SDK2: variants seen among roughly 807,000 people sequenced by gnomAD.
The protein encoded by SDK2 is sidekick cell adhesion molecule 2.
Under a neutral mutation model 253.9 loss-of-function variants are expected in SDK2, and 105 were observed. That is an observed-to-expected ratio of 0.41 (90% CI 0.35 to 0.49). SDK2 has a LOEUF of 0.49. Ranked by LOEUF, SDK2 falls within the 20% of genes least tolerant of loss-of-function variation. SDK2 has a pLI of 0.06. For synonymous variants in SDK2, 1,249 were observed against 1,234.9 expected (o/e 1.01, Z -0.24); for missense variants, 2,608 against 3,003.0 (o/e 0.87, Z 3.07).
chr17:73,551,379 A>G (rs1047200620), intron 1 of SDK2, among the ~76,000 whole-genome samples: 3 of 151,966 alleles, frequency 2.0e-5, no homozygotes, highest in Non-Finnish European at 2.9e-5. Context: ...GGCCTGGGCC[A>G]GAGACATATA....
rs563264811 is a variant in SDK2, at chr17:73,361,367, G to C, written c.5467+317C>G. Among the ~76,000 whole-genome samples the C allele has an allele frequency of 3.2e-4, 49 of 152,356 alleles. No individual in the cohort carries two copies. Among genetic ancestry groups the C allele is most frequent in the African/African-American group, 1.2e-3 (49 of 41,588 alleles). On this transcript the variant is annotated intron_variant, in intron 39 of 44. Coordinates refer to ENST00000392650, the MANE Select transcript of SDK2 (RefSeq NM_001144952.2). The surrounding 1 kb of genome is among the most constrained non-coding windows in gnomAD (Gnocchi z 4.1). ...TCCTTCCAGGACGGAAGTAAAGGAGGCCATGCAATTAGCAGGGAGAGAAAG... is the reference window on the plus strand; with the variant it reads ...TCCTTCCAGGACGGAAGTAAAGGAGCCCATGCAATTAGCAGGGAGAGAAAG...
intron 18 of SDK2, among the ~76,000 whole-genome samples, chr17:73,411,202 C>T (rs2063123300): frequency 6.6e-6 from 1 of 152,170 alleles, no homozygotes; most frequent in Admixed American, 6.5e-5. Context: ...GGGCCAAGGC[C>T]GGAGTGAAGC....
chr17:73,542,638 AG>A (rs2044887776), intron 1 of SDK2, among the ~76,000 whole-genome samples: 3 of 152,070 alleles, frequency 2.0e-5, no homozygotes, highest in African/African-American at 7.2e-5. Context: ...TGAGGCAGCA[AG>A]GGGAGAGGGA....
chr17:73,411,966 A>C (rs1430137037), intron 18 of SDK2, among the ~76,000 whole-genome samples: 1 of 96,282 alleles, frequency 1.0e-5, no homozygotes, highest in Non-Finnish European at 2.0e-5. Flanking sequence ...ATATATATAT[A>C]TACGTATATA....
At position 73,481,352 on chromosome 17, in the gene SDK2, A is replaced by T. The variant is rs2063722464; in HGVS notation, c.225-9134T>A. On this transcript the variant is annotated intron_variant, in intron 2 of 44. Transcript: ENST00000392650. This position sits in a 1 kb window ranked among gnomAD's most constrained non-coding sequence, Gnocchi z 4.5. ...ACCCGCAGTGGACAGAACAGGGAGG[A>T]ACCCCTGACTCTGATGTGATGGTTA... is the stretch of plus-strand genomic sequence containing the variant. Among the ~76,000 whole-genome samples the T allele has an allele frequency of 6.6e-6, 1 of 152,096 alleles. No homozygotes were observed. The highest frequency in any genetic ancestry group is 2.1e-4 in the South Asian group (1 of 4,812).
In SDK2 at chr17:73,383,327, C is replaced by G. The variant is rs970513271; in HGVS notation, c.4705+549G>C. Among the ~76,000 whole-genome samples the G allele has an allele frequency of 6.6e-6, 1 of 152,230 alleles. No homozygotes were observed. The highest frequency in any genetic ancestry group is 2.4e-5 in the African/African-American group (1 of 41,466). ...GCTCTCCCTGACATTTCCACCTGGG[C>G]TCCCCTCTTTCCTTCCTTTGCTCCA... is the stretch of plus-strand genomic sequence containing the variant. On this transcript the variant is annotated intron_variant, in intron 33 of 44. Coordinates refer to ENST00000392650, the MANE Select transcript of SDK2 (RefSeq NM_001144952.2). The surrounding 1 kb of genome is among the most constrained non-coding windows in gnomAD (Gnocchi z 4.3).
At chr17:73,578,230 T>A (rs943609852) in intron 1 of SDK2, among the ~76,000 whole-genome samples, 2 of 151,870 alleles carry the variant, frequency 1.3e-5, no homozygotes, top group Admixed American at 6.6e-5. Flanking sequence ...TGGCTAATGT[T>A]TTGTGTGTAT....
intron 5 of SDK2, among the ~76,000 whole-genome samples, chr17:73,442,429 C>CT (rs1429616860): frequency 2.0e-5 from 3 of 152,018 alleles, no homozygotes; most frequent in Non-Finnish European, 4.4e-5. Flanking sequence ...ACAACCTCTG[C>CT]CTCCCAGGTT....
intron 10 of SDK2, among the ~76,000 whole-genome samples, chr17:73,433,248 T>C (rs890100685): frequency 2.0e-5 from 3 of 151,860 alleles, no homozygotes; most frequent in African/African-American, 7.3e-5. Flanking sequence ...GATGAAGAGC[T>C]GGACCTTGAG....
intron 12 of SDK2, among the ~76,000 whole-genome samples, chr17:73,427,370 T>A: frequency 6.6e-6 from 1 of 152,212 alleles, no homozygotes; most frequent in East Asian, 1.9e-4. Flanking sequence ...TAAAGTTTTA[T>A]TAGAACACAG....
chr17:73,457,956 G>A (rs1192182762), intron 3 of SDK2, among the ~76,000 whole-genome samples: 3 of 152,144 alleles, frequency 2.0e-5, no homozygotes, highest in Admixed American at 6.5e-5. Flanking sequence ...CTTTTGGGGT[G>A]TGTGGGCTGA....
At chr17:73,604,630 GC>G (rs1176398718) in intron 1 of SDK2, among the ~76,000 whole-genome samples, 1 of 152,238 alleles carries the variant, frequency 6.6e-6, no homozygotes, top group Non-Finnish European at 1.5e-5. Flanking sequence ...TGGTGACCCA[GC>G]ATGAGGAGTG....
In SDK2 at chr17:73,431,783, C is replaced by T. The variant is rs571648636; in HGVS notation, c.1313-114G>A. Reference sequence around the variant, plus strand: ...CCACAGGCCCCTGGCTCTGGAAATGCTGGAAGGAATGAGGACAGATGGCGG... The same window carrying T: ...CCACAGGCCCCTGGCTCTGGAAATGTTGGAAGGAATGAGGACAGATGGCGG... On this transcript the variant is annotated intron_variant, in intron 10 of 44. Transcript: ENST00000392650. This position sits in a 1 kb window ranked among gnomAD's most constrained non-coding sequence, Gnocchi z 5.6. 7.7e-6 allele frequency: 9 copies of T among 1,162,770 alleles called. No individual in the cohort carries two copies. The highest frequency in any genetic ancestry group is 6.2e-5 in the African/African-American group (4 of 64,052). 72.0% of individuals were successfully genotyped at this position (1,162,770 alleles called of 1,614,324 possible). A position where few individuals can be genotyped will look rare whatever the true frequency, so the allele number is the denominator to read the frequency against.
chr17:73,439,901 C>A (rs972333643), intron 6 of SDK2, among the ~76,000 whole-genome samples: 2 of 152,122 alleles, frequency 1.3e-5, no homozygotes, highest in Admixed American at 6.5e-5. Flanking sequence ...AGTGGTGACA[C>A]CTATGCCATA....
chr17:73,529,916 AAACACATAGAGTTGTT>A (rs2064156250), intron 1 of SDK2, among the ~76,000 whole-genome samples: 1 of 152,194 alleles, frequency 6.6e-6, no homozygotes, highest in Non-Finnish European at 1.5e-5. Context: ...CAGCCACAGG[AAACACATAGAGTTGTT>A]AACACGGTAG....
At chr17:73,602,657 C>T (rs1054983389) in intron 1 of SDK2, among the ~76,000 whole-genome samples, 5 of 151,914 alleles carry the variant, frequency 3.3e-5, no homozygotes, top group Admixed American at 6.6e-5. Flanking sequence ...AATCTATGTT[C>T]GGGTCTGGGC....
chr17:73,607,389 C>T, intron 1 of SDK2, among the ~76,000 whole-genome samples: 1 of 151,860 alleles, frequency 6.6e-6, no homozygotes, highest in South Asian at 2.1e-4. Context: ...CTTCATTCAA[C>T]TGTGTGTGTG....
At chr17:73,559,283 T>G (rs1433406698) in intron 1 of SDK2, among the ~76,000 whole-genome samples, 1 of 152,114 alleles carries the variant, frequency 6.6e-6, no homozygotes. Flanking sequence ...CTCTGAGCCT[T>G]GGGTTTCCTC....
intron 1 of SDK2, among the ~76,000 whole-genome samples, chr17:73,613,114 G>A (rs1481375695): frequency 1.3e-5 from 2 of 152,150 alleles, no homozygotes; most frequent in Non-Finnish European, 2.9e-5. Context: ...AGCACAAAGC[G>A]GCACGAGAGA....
Sources: allele counts gnomAD v4.1 joint callset (sites outside exome capture counted in the v4.1 genomes callset), GRCh38; gene constraint gnomAD v4.1.1; non-coding constraint Gnocchi (gnomAD v3.1); transcripts MANE v1.5; gene names NCBI Gene and HGNC (gene_info 2026-07-23, HGNC 2026-07-21).